The following ZBTB38 variants were observed in gnomAD, a reference collection of about 807,000 sequenced individuals.
ZBTB38 encodes the protein zinc finger and BTB domain containing 38, also known as zinc finger and BTB domain-containing protein 38.
A neutral mutation model predicts 76.8 loss-of-function variants in ZBTB38; 20 were observed. The observed-to-expected ratio is 0.26, with a 90% CI of 0.18 to 0.38. The LOEUF is 0.38. Among genes scored for constraint, ZBTB38 ranks in the 10% least tolerant of loss-of-function variants. The probability of loss-of-function intolerance (pLI) is 1.00; values close to 1 mark genes in which losing one functional copy is unlikely to be tolerated. For missense variants in ZBTB38, 1,082 were observed against 1,482.3 expected (o/e 0.73, Z 4.43); for synonymous variants, 504 against 544.2 (o/e 0.93, Z 1.03).
intron 1 of ZBTB38, among the ~76,000 whole-genome samples, chr3:141,329,014 C>T (rs1345328619): frequency 1.3e-5 from 2 of 152,186 alleles, no homozygotes; most frequent in Non-Finnish European, 2.9e-5. Context: ...CCCAGTCGTG[C>T]ATAGCTCTGC....
At position 141,445,291 on chromosome 3, in the gene ZBTB38, A is replaced by G. The variant is rs1465641877; in HGVS notation, c.2903A>G (p.Asp968Gly). The G allele has an allele frequency of 1.9e-6, 3 of 1,614,076 alleles. No individual in the cohort carries two copies. The highest frequency in any genetic ancestry group is 2.7e-5 in the African/African-American group (2 of 74,940). Residue 968 changes from aspartate (D) to glycine (G), a missense_variant, in exon 6 of 6, where the codon GAT becomes GGT. This residue lies in a region of ZBTB38 where 471 missense variants were observed against 581.0 expected (regional missense o/e 0.81). Transcript: ENST00000321464. The surrounding 1 kb of genome is among the most constrained non-coding windows in gnomAD (Gnocchi z 6.5). ...LDCAVGKAPQDKPFEEEETKE... is the reference protein window; with the variant it reads ...LDCAVGKAPQGKPFEEEETKE... ...TGCGCCGTGGGGAAGGCTCCTCAGG[A>G]TAAACCCTTTGAGGAAGAAGAAACT...
At chr3:141,370,080 A>G (rs1040706455) in intron 2 of ZBTB38, 134 bp downstream of exon 2, 4 of 152,238 alleles carry the variant, frequency 2.6e-5, no homozygotes, top group Non-Finnish European at 5.9e-5. Context: ...GCTATATTAA[A>G]AAGGATATTA....
At chr3:141,379,834 T>C (rs1945939965) in intron 2 of ZBTB38, among the ~76,000 whole-genome samples, 1 of 152,242 alleles carries the variant, frequency 6.6e-6, no homozygotes, top group African/African-American at 2.4e-5. Context: ...TCAAGTGACA[T>C]TGAGAAGTTT....
At chr3:141,333,727 C>A (rs894097679) in intron 1 of ZBTB38, among the ~76,000 whole-genome samples, 1 of 152,140 alleles carries the variant, frequency 6.6e-6, no homozygotes, top group Non-Finnish European at 1.5e-5. Flanking sequence ...CCAGAGACAT[C>A]TGGCCCTGCA....
rs374184444 is a variant in ZBTB38, at chr3:141,442,688, A to G, written c.300A>G (p.Arg100=). Residue 100 remains arginine (R), a synonymous_variant, in exon 6 of 6, where the codon AGA becomes AGG. Transcript: ENST00000321464. This position sits in a 1 kb window ranked among gnomAD's most constrained non-coding sequence, Gnocchi z 6.4. Reference sequence around the variant, plus strand: ...ACAGTTCCACAGTCGTTGTCAAGAGACAGGAAACAGTCACTGATCTCGCAG... The same window carrying G: ...ACAGTTCCACAGTCGTTGTCAAGAGGCAGGAAACAGTCACTGATCTCGCAG... ...YIYSSTVVVK[R]QETVTDLAAA... is the part of the protein sequence containing the mutation. 1.2e-6 allele frequency: 2 copies of G among 1,614,096 alleles called. No homozygotes were observed. The highest frequency in any genetic ancestry group is 1.7e-6 in the Non-Finnish European group (2 of 1,180,052).
chr3:141,365,129 A>G (rs748040341), upstream of ZBTB38, among the ~76,000 whole-genome samples: 1 of 152,226 alleles, frequency 6.6e-6, no homozygotes, highest in Non-Finnish European at 1.5e-5. Flanking sequence ...CAAAAAGTGA[A>G]AACAACTCAA....
chr3:141,415,693 A>G (rs1436287408), intron 5 of ZBTB38, among the ~76,000 whole-genome samples: 1 of 152,178 alleles, frequency 6.6e-6, no homozygotes, highest in Non-Finnish European at 1.5e-5. Flanking sequence ...CTTTGGTCTT[A>G]GGCGGTGGGG....
intron 5 of ZBTB38, among the ~76,000 whole-genome samples, chr3:141,412,140 CAGAG>C (rs1956879080): frequency 6.6e-6 from 1 of 151,926 alleles, no homozygotes; most frequent in Admixed American, 6.6e-5. Context: ...TTCCTTTGCT[CAGAG>C]AGAATAAGAA....
intron 1 of ZBTB38, among the ~76,000 whole-genome samples, chr3:141,363,213 C>T (rs1371721654): frequency 6.6e-6 from 1 of 152,162 alleles, no homozygotes; most frequent in Non-Finnish European, 1.5e-5. Context: ...GACTTGTACA[C>T]TGAAAACAAC....
At chr3:141,431,418 A>C (rs568458552) in intron 5 of ZBTB38, among the ~76,000 whole-genome samples, 1 of 150,670 alleles carries the variant, frequency 6.6e-6, no homozygotes, top group African/African-American at 2.5e-5. Context: ...CACGGCACTC[A>C]AAAGGCTTCA....
chr3:141,410,976 A>T (rs1233329710), intron 5 of ZBTB38, among the ~76,000 whole-genome samples: 1 of 152,184 alleles, frequency 6.6e-6, no homozygotes, highest in Non-Finnish European at 1.5e-5. Flanking sequence ...GCAACCCGTG[A>T]AGGCAGGCTT....
intron 2 of ZBTB38, among the ~76,000 whole-genome samples, chr3:141,380,707 A>G (rs1483476952): frequency 6.6e-6 from 1 of 152,106 alleles, no homozygotes; most frequent in African/African-American, 2.4e-5. Context: ...ACCAAAATGC[A>G]TTGTGTTTTT....
Position 141,416,805 on chromosome 3 carries a change from C to T in ZBTB38, c.-1+12774C>T, listed in dbSNP as rs1249204743. ...AGATGAAGGCAGAGGATAAGCGTTA[C>T]GCAGCCACAGGCCAAGGAGAGACTG... On this transcript the variant is annotated intron_variant, in intron 5 of 5. Coordinates refer to ENST00000321464, the MANE Select transcript of ZBTB38 (RefSeq NM_001376113.1). Among the ~76,000 whole-genome samples, 6 of 152,132 alleles carry T rather than the reference C, an allele frequency of 3.9e-5. No individual in the cohort carries two copies. In the East Asian group the frequency reaches 9.6e-4, roughly 24 times the overall value.
chr3:141,405,219 G>T (rs1332864025), intron 5 of ZBTB38, among the ~76,000 whole-genome samples: 1 of 152,164 alleles, frequency 6.6e-6, no homozygotes, highest in Non-Finnish European at 1.5e-5. Flanking sequence ...TCTTAGCAAA[G>T]AATTTGTTGT....
chr3:141,382,779 T>G (rs113887257), intron 3 of ZBTB38, among the ~76,000 whole-genome samples: 90 of 152,232 alleles, frequency 5.9e-4, no homozygotes, highest in African/African-American at 2.0e-3. Context: ...TCCCAGGGCC[T>G]GGAGGGTAGA....
intron 2 of ZBTB38, among the ~76,000 whole-genome samples, chr3:141,379,054 C>G (rs1945820346): frequency 6.6e-6 from 1 of 152,172 alleles, no homozygotes; most frequent in Admixed American, 6.5e-5. Context: ...CAGCTGAGGG[C>G]TTTCTTTTAA....
chr3:141,416,275 CT>C (rs924507048), intron 5 of ZBTB38, among the ~76,000 whole-genome samples: 1 of 152,210 alleles, frequency 6.6e-6, no homozygotes, highest in African/African-American at 2.4e-5. Flanking sequence ...CTTTTCAGCC[CT>C]TCCAAGTTCT....
intron 1 of ZBTB38, among the ~76,000 whole-genome samples, chr3:141,363,471 C>CA (rs1344108622): frequency 6.6e-6 from 1 of 152,160 alleles, no homozygotes; most frequent in Non-Finnish European, 1.5e-5. Context: ...TTGGTGGACT[C>CA]ACACTTCCTA....
chr3:141,349,405 C>T lies in ZBTB38; in HGVS notation c.-738-19216C>T, dbSNP rs61517763. Among the ~76,000 whole-genome samples, 1,244 of 152,164 alleles carry T rather than the reference C, an allele frequency of 8.2e-3. 16 individuals carry two copies. The highest frequency in any genetic ancestry group is 0.029 in the African/African-American group (1,191 of 41,506). ...TGTTTGAGATCATGCAGCAGTTAACCGCTAAATCACCACAAGGTTAAATCA... is the reference window on the plus strand; with the variant it reads ...TGTTTGAGATCATGCAGCAGTTAACTGCTAAATCACCACAAGGTTAAATCA... On this transcript the variant is annotated intron_variant, in intron 1 of 7. Transcript: ENST00000509842.
Sources: allele counts gnomAD v4.1 joint callset (sites outside exome capture counted in the v4.1 genomes callset), GRCh38; gene constraint gnomAD v4.1.1; regional missense constraint gnomAD v4.1.1; non-coding constraint Gnocchi (gnomAD v3.1); transcripts MANE v1.5; gene names NCBI Gene and HGNC (gene_info 2026-07-23, HGNC 2026-07-21).